RRAGD: variants seen among roughly 807,000 people sequenced by gnomAD.
The protein encoded by RRAGD is Ras related GTP binding D, also known as ras-related GTP-binding protein D.
A neutral mutation model predicts 35.5 loss-of-function variants in RRAGD; 12 were observed. That is an observed-to-expected ratio of 0.34 (90% CI 0.22 to 0.55). The LOEUF (loss-of-function observed/expected upper bound fraction) is 0.55, where lower values mean the gene tolerates loss of function less well. Among genes scored for constraint, RRAGD ranks in the 20% least tolerant of loss-of-function variants. The pLI, the probability that RRAGD is intolerant of heterozygous loss-of-function variation, is 0.91. For synonymous variants in RRAGD, 155 were observed against 178.9 expected, an observed-to-expected ratio of 0.87 and a Z score of 1.07; for missense variants, 324 against 490.1, an observed-to-expected ratio of 0.66 and a Z score of 3.20.
intron 1 of RRAGD, among the ~76,000 whole-genome samples, chr6:89,395,537 G>A (rs986481549): frequency 2.0e-5 from 3 of 152,168 alleles, no homozygotes; most frequent in African/African-American, 7.2e-5. Context: ...AGATGCACAA[G>A]TTCACTGAAA....
intron 1 of RRAGD, among the ~76,000 whole-genome samples, chr6:89,408,552 C>T (rs1277791762): frequency 2.6e-5 from 4 of 152,114 alleles, no homozygotes; most frequent in Non-Finnish European, 5.9e-5. Context: ...GGATTCACCC[C>T]ATCTACATCC....
chr6:89,374,602 T>C (rs1450605769), intron 5 of RRAGD, among the ~76,000 whole-genome samples: 4 of 152,028 alleles, frequency 2.6e-5, no homozygotes, highest in Non-Finnish European at 5.9e-5. Context: ...TGGTAGTGCA[T>C]GCCTGTAATC....
intron 2 of RRAGD, among the ~76,000 whole-genome samples, chr6:89,383,129 T>C (rs936421475): frequency 5.9e-5 from 9 of 152,210 alleles, no homozygotes; most frequent in African/African-American, 2.2e-4. Context: ...GGTGGTTACA[T>C]GGTGTACACA....
intron 3 of RRAGD, among the ~76,000 whole-genome samples, chr6:89,379,872 T>A (rs1769012566): frequency 6.6e-6 from 1 of 152,222 alleles, no homozygotes; most frequent in East Asian, 1.9e-4. Flanking sequence ...CTGTAAACTT[T>A]AGCATCAACT....
Position 89,367,595 on chromosome 6 carries a change from T to C in RRAGD, c.*461A>G, listed in dbSNP as rs1768777225. On this transcript the variant is annotated 3_prime_UTR_variant, in exon 7 of 7. Transcript: ENST00000369415. ...CAATTGGTAGCAAAGATTTCCAAAT[T>C]TACAAAAAGTCATTACCAATGCATC... 6.5e-6 allele frequency: 1 copy of C among 152,678 alleles called. No homozygotes were observed. The highest frequency in any genetic ancestry group is 2.4e-5 in the African/African-American group (1 of 41,466). The allele number at this position is 152,678 out of a possible 1,614,324, so 9.5% of individuals were successfully genotyped here. A position where few individuals can be genotyped will look rare whatever the true frequency, so the allele number is the denominator to read the frequency against.
Position 89,398,959 on chromosome 6 carries a change from C to T in RRAGD, c.149-11369G>A, listed in dbSNP as rs539297457. On this transcript the variant is annotated intron_variant, in intron 1 of 6. Transcript: ENST00000369415. ...CATTCAAACGGAGGGCTGGCCCACT[C>T]ATGGTCTATGCATTCTATTTCTGCT... Among the ~76,000 whole-genome samples the T allele has an allele frequency of 2.0e-5, 3 of 152,378 alleles. No individual in the cohort carries two copies. In the South Asian group the frequency reaches 6.2e-4, roughly 32 times the overall value.
At chr6:89,396,604 A>C (rs1769336306) in intron 1 of RRAGD, among the ~76,000 whole-genome samples, 1 of 151,596 alleles carries the variant, frequency 6.6e-6, no homozygotes, top group Non-Finnish European at 1.5e-5. Flanking sequence ...TTTTTTGTAG[A>C]GATGGGGTTT....
Position 89,365,849 on chromosome 6 carries a change from T to C in RRAGD, c.*2207A>G. On this transcript the variant is annotated 3_prime_UTR_variant, in exon 7 of 7. Transcript: ENST00000369415. The stretch of plus-strand genomic sequence containing the variant: ...GATTTACCAAATAGGCTAGTGTCTC[T>C]AGCTTGAGGATAAAGTCATATTAGA... The C allele has an allele frequency of 6.6e-6, 1 of 152,236 alleles. No homozygotes were observed. 9.4% of individuals were successfully genotyped at this position (152,236 alleles called of 1,614,324 possible).
chr6:89,406,827 A>G lies in RRAGD; in HGVS notation c.148+5019T>C, dbSNP rs1415076183. On this transcript the variant is annotated intron_variant, in intron 1 of 6. Transcript: ENST00000369415. ...AACACATGCCCACTGGGGCTTCAGGAGCTGTAAACATCCACCCCTAGACAC... is the reference window on the plus strand; with the variant it reads ...AACACATGCCCACTGGGGCTTCAGGGGCTGTAAACATCCACCCCTAGACAC... 2.6e-5 allele frequency among the ~76,000 whole-genome samples: 4 copies of G among 152,122 alleles called. No individual in the cohort carries two copies. The East Asian group carries it at 7.7e-4, about 29-fold the overall frequency.
chr6:89,377,784 A>C lies in RRAGD; in HGVS notation c.789T>G (p.Phe263Leu). 1 of 1,602,506 alleles carries C rather than the reference A, an allele frequency of 6.2e-7. No homozygotes were observed. The highest frequency in any genetic ancestry group is 8.5e-7 in the Non-Finnish European group (1 of 1,177,034). The part of the protein sequence containing the change: ...SNSGIEKAFL[F>L]DVVSKIYIAT... ...CAATATAAATTTTACTGACCACATC[A>C]AATAGAAATGCCTTTTCAATTCCAG... Residue 263 changes from phenylalanine to leucine, a missense_variant, in exon 5 of 7, where the codon TTT becomes TTG. Transcript: ENST00000369415.
intron 4 of RRAGD, 76 bp from the exon 5 acceptor site, chr6:89,377,889 G>A: frequency 9.5e-7 from 1 of 1,056,402 alleles, no homozygotes; most frequent in Non-Finnish European, 1.4e-6. Context: ...AAAATTGAAT[G>A]CCATTCTTAA....
In RRAGD at chr6:89,372,510, C is replaced by T. The variant is rs751000414; in HGVS notation, c.978G>A (p.Val326=). 6 of 1,612,392 alleles carry T rather than the reference C, an allele frequency of 3.7e-6. No homozygotes were observed. The highest frequency in any genetic ancestry group is 1.1e-5 in the South Asian group (1 of 90,960). ...ACTTTGTCACCTCTTTTAAATAAAGCACGGTTGTATTATTAAGCTTTATGA... is the reference window on the plus strand; with the variant it reads ...ACTTTGTCACCTCTTTTAAATAAAGTACGGTTGTATTATTAAGCTTTATGA... ...TAIIKLNNTT[V]LYLKEVTKFL... Residue 326 remains valine, a synonymous_variant, in exon 6 of 7, where the codon GTG becomes GTA. Transcript: ENST00000369415.
rs61239155 is a variant in RRAGD, at chr6:89,402,038, A to ATTTTTTTTTTTTCTTT, written c.148+9807_148+9808insAAAGAAAAAAAAAAAA. On this transcript the variant is annotated intron_variant, in intron 1 of 6. Coordinates refer to ENST00000369415, the MANE Select transcript of RRAGD (RefSeq NM_021244.5). ...TGAAAGCACTGAGGAAATCCTAAGGATTTTTTTTTTTTTTTTTTTTTTGGT... is the reference window on the plus strand; with the variant it reads ...TGAAAGCACTGAGGAAATCCTAAGGATTTTTTTTTTTTCTTTTTTTTTTTTTTTTTTTTTTTTTGGT... Among the ~76,000 whole-genome samples, 10 of 78,434 alleles carry ATTTTTTTTTTTTCTTT rather than the reference A, an allele frequency of 1.3e-4. 1 individual carries two copies. Among genetic ancestry groups the ATTTTTTTTTTTTCTTT allele is most frequent in the African/African-American group, 5.7e-4 (9 of 15,866 alleles). The allele number at this position is 78,434 out of a possible 152,430, so 51.5% of individuals were successfully genotyped here. A position where few individuals can be genotyped will look rare whatever the true frequency, so the allele number is the denominator to read the frequency against.
chr6:89,407,890 A>G (rs1253360064), intron 1 of RRAGD, among the ~76,000 whole-genome samples: 3 of 152,096 alleles, frequency 2.0e-5, no homozygotes, highest in Non-Finnish European at 4.4e-5. Flanking sequence ...TAGTATTAAA[A>G]TGGAAGAGAT....
chr6:89,380,131 T>C (rs1769016615), intron 3 of RRAGD, 37 bp downstream of exon 3: 3 of 1,601,494 alleles, frequency 1.9e-6, no homozygotes, highest in Middle Eastern at 3.3e-4. Context: ...CTTTCTTCCA[T>C]CCTTTATTGG....
chr6:89,370,138 C>G (rs1768831148), intron 6 of RRAGD, among the ~76,000 whole-genome samples: 1 of 152,194 alleles, frequency 6.6e-6, no homozygotes, highest in African/African-American at 2.4e-5. Flanking sequence ...TTTATATTTT[C>G]TAGGCCTGAG....
intron 1 of RRAGD, among the ~76,000 whole-genome samples, chr6:89,389,476 A>C (rs1769193571): frequency 6.6e-6 from 1 of 151,378 alleles, no homozygotes; most frequent in East Asian, 1.9e-4. Context: ...GAATGGCATG[A>C]ACCTGGGAGG....
At chr6:89,373,740 G>A (rs1255282546) in intron 5 of RRAGD, among the ~76,000 whole-genome samples, 2 of 152,000 alleles carry the variant, frequency 1.3e-5, no homozygotes, top group African/African-American at 4.8e-5. Flanking sequence ...TGGACAAGTC[G>A]AATAACTTCT....
chr6:89,401,177 TG>T (rs1184818032), intron 1 of RRAGD, among the ~76,000 whole-genome samples: 1 of 152,090 alleles, frequency 6.6e-6, no homozygotes, highest in Non-Finnish European at 1.5e-5. Flanking sequence ...GGAAGAGATT[TG>T]CAAGTTCAGG....
Sources: allele counts gnomAD v4.1 joint callset (sites outside exome capture counted in the v4.1 genomes callset), GRCh38; gene constraint gnomAD v4.1.1; transcripts MANE v1.5; gene names NCBI Gene and HGNC (gene_info 2026-07-23, HGNC 2026-07-21).